The following SPAG9 variants were observed in gnomAD, a reference collection of about 807,000 sequenced individuals.
SPAG9 encodes the protein C-Jun-amino-terminal kinase-interacting protein 4.
In SPAG9, 35 loss-of-function variants were observed where a neutral mutation model predicts 166.5. The observed-to-expected ratio is 0.21, with a 90% CI of 0.16 to 0.28. The LOEUF is 0.28. Among genes scored for constraint, SPAG9 ranks in the 10% least tolerant of loss-of-function variants. The pLI is 1.00. For synonymous variants in SPAG9, 534 were observed against 565.5 expected, an observed-to-expected ratio of 0.94 and a Z score of 0.79; for missense variants, 1,235 against 1,603.3, an observed-to-expected ratio of 0.77 and a Z score of 3.92.
At chr17:51,070,884 T>C (rs1377808054) in intron 2 of SPAG9, among the ~76,000 whole-genome samples, 1 of 152,198 alleles carries the variant, frequency 6.6e-6, no homozygotes, top group Admixed American at 6.5e-5. Context: ...ATAGATGGCA[T>C]AGCTTCTGGA....
intron 1 of SPAG9, among the ~76,000 whole-genome samples, chr17:51,114,187 G>A (rs374481011): frequency 3.1e-4 from 47 of 151,948 alleles, no homozygotes; most frequent in African/African-American, 1.0e-3. Flanking sequence ...TTAGCCGGGC[G>A]TGCTGGCGCG....
At chr17:51,073,934 CT>C (rs986322409) in intron 2 of SPAG9, among the ~76,000 whole-genome samples, 2 of 151,796 alleles carry the variant, frequency 1.3e-5, no homozygotes, top group Admixed American at 1.3e-4. Flanking sequence ...AACCCCATCT[CT>C]ACTAAAAATA....
At chr17:51,004,576 A>C (rs1257328112) in intron 12 of SPAG9, among the ~76,000 whole-genome samples, 1 of 152,168 alleles carries the variant, frequency 6.6e-6, no homozygotes, top group African/African-American at 2.4e-5. Flanking sequence ...CACCTTTACT[A>C]AGAATACAAA....
At chr17:51,060,396 G>A (rs1051190104) in intron 2 of SPAG9, among the ~76,000 whole-genome samples, 6 of 151,580 alleles carry the variant, frequency 4.0e-5, no homozygotes, top group Non-Finnish European at 7.4e-5. Context: ...CCAGCTACTC[G>A]GGAGGCTGAG....
chr17:51,097,097 A>T (rs191039107), intron 1 of SPAG9, among the ~76,000 whole-genome samples: 2 of 152,370 alleles, frequency 1.3e-5, no homozygotes, highest in African/African-American at 4.8e-5. Flanking sequence ...CTACGTAGTG[A>T]CGCCTCCATA....
chr17:51,089,667 CAT>C (rs1185767757), intron 1 of SPAG9, among the ~76,000 whole-genome samples: 4 of 61,834 alleles, frequency 6.5e-5, no homozygotes, highest in Non-Finnish European at 1.1e-4. Context: ...TATATATACA[CAT>C]ACACACACAC....
chr17:51,020,953 C>T (rs984338957), intron 7 of SPAG9, among the ~76,000 whole-genome samples: 1 of 152,032 alleles, frequency 6.6e-6, no homozygotes, highest in East Asian at 1.9e-4. Context: ...AAAGTATGTA[C>T]ATGTTTAGTG....
intron 1 of SPAG9, among the ~76,000 whole-genome samples, chr17:51,091,111 A>G (rs190121649): frequency 8.1e-4 from 123 of 151,902 alleles, no homozygotes; most frequent in African/African-American, 2.9e-3. Flanking sequence ...TGTCTCCACG[A>G]AAAATATGAA....
At chr17:51,099,584 G>A (rs541963236) in intron 1 of SPAG9, among the ~76,000 whole-genome samples, 1 of 151,680 alleles carries the variant, frequency 6.6e-6, no homozygotes, top group African/African-American at 2.4e-5. Context: ...CCTGTGTTAT[G>A]ATGTTTGCTA....
At chr17:51,089,631 T>C (rs1313438151) in intron 1 of SPAG9, among the ~76,000 whole-genome samples, 1 of 69,518 alleles carries the variant, frequency 1.4e-5, no homozygotes, top group Admixed American at 1.3e-4. Context: ...TATATATATA[T>C]ATATATATAT....
At chr17:51,029,345 C>T (rs754974727) in intron 6 of SPAG9, among the ~76,000 whole-genome samples, 5 of 152,126 alleles carry the variant, frequency 3.3e-5, no homozygotes, top group Non-Finnish European at 7.4e-5. Flanking sequence ...ACATTAGACA[C>T]TTGTGCATTG....
intron 21 of SPAG9, among the ~76,000 whole-genome samples, chr17:50,987,851 T>C (rs1186202984): frequency 1.3e-5 from 2 of 152,240 alleles, no homozygotes; most frequent in Non-Finnish European, 2.9e-5. Flanking sequence ...ACCTTTCCTT[T>C]GAATTGTCAG....
At chr17:51,085,276 C>T (rs1254617568) in intron 1 of SPAG9, 2 of 152,238 alleles carry the variant, frequency 1.3e-5, no homozygotes, top group African/African-American at 4.8e-5. Flanking sequence ...TGCTTATTTA[C>T]AACTCCTTTC....
intron 2 of SPAG9, among the ~76,000 whole-genome samples, chr17:51,070,599 A>G (rs1173855364): frequency 6.6e-6 from 1 of 152,172 alleles, no homozygotes; most frequent in East Asian, 1.9e-4. Flanking sequence ...AATTTCTTAC[A>G]TTTATTTTAC....
In SPAG9 at chr17:50,970,865, T is replaced by C. The variant is rs772875718; in HGVS notation, c.3701-9A>G. On this transcript the variant is annotated splice_polypyrimidine_tract_variant and intron_variant, in intron 28 of 29. Transcript: ENST00000262013. ...TGGGCTGATGACTTGACCTGTTTTA[T>C]ACAGAAACAAAAGTGAATATTACTT... The C allele has an allele frequency of 3.4e-5, 55 of 1,611,956 alleles. No homozygotes were observed. The highest frequency in any genetic ancestry group is 4.5e-5 in the Non-Finnish European group (53 of 1,178,758).
At chr17:51,075,583 G>C (rs746007685) in intron 2 of SPAG9, among the ~76,000 whole-genome samples, 1 of 152,130 alleles carries the variant, frequency 6.6e-6, no homozygotes, top group Non-Finnish European at 1.5e-5. Flanking sequence ...CCAGCATTTG[G>C]GGGGCCAAGG....
Position 50,979,925 on chromosome 17 carries a change from A to G in SPAG9, c.3238-8T>C. The G allele has an allele frequency of 6.2e-7, 1 of 1,605,804 alleles. No individual in the cohort carries two copies. Among genetic ancestry groups the G allele is most frequent in the Non-Finnish European group, 8.5e-7 (1 of 1,172,898 alleles). On this transcript the variant is annotated splice_polypyrimidine_tract_variant and splice_region_variant and intron_variant, in intron 25 of 29. Transcript: ENST00000262013. ...ATGTGCATCAAAAGATTTCTAGGAG[A>G]GATTGTCCAATCACAAAGTTACTTT...
intron 1 of SPAG9, among the ~76,000 whole-genome samples, chr17:51,104,918 G>A (rs1257599184): frequency 3.1e-4 from 29 of 92,520 alleles, no homozygotes; most frequent in African/African-American, 1.1e-3. Context: ...GGGCGACAGA[G>A]CGAGACTCCG....
rs1305002043 is a variant in SPAG9 at position 50,995,127 on chromosome 17, A to G, written c.2156T>C (p.Leu719Ser). The change falls in exon 18 of 30, where the codon TTG (leucine) becomes TCG (serine). Residue 719 changes from leucine (L) to serine (S), a missense_variant. By Grantham distance (145) the Leu-to-Ser change is moderately radical. Coordinates refer to ENST00000262013, the MANE Select transcript of SPAG9 (RefSeq NM_001130528.3). ...TCGCTGTTTACTGCCTTCTGTATCCAAACCAGCAACATCCTTGTAAAATAC... is the reference window on the plus strand; with the variant it reads ...TCGCTGTTTACTGCCTTCTGTATCCGAACCAGCAACATCCTTGTAAAATAC... ...ASVFYKDVAGLDTEGSKQRSA... is the reference protein window; with the variant it reads ...ASVFYKDVAGSDTEGSKQRSA... 8 of 1,614,006 alleles carry G rather than the reference A, an allele frequency of 5.0e-6. No individual in the cohort carries two copies. Among genetic ancestry groups the G allele is most frequent in the Non-Finnish European group, 6.8e-6 (8 of 1,179,978 alleles).
Sources: gnomAD v4.1 joint callset for allele counts (sites outside exome capture counted in the v4.1 genomes callset) on GRCh38, gnomAD v4.1.1 for gene constraint, MANE v1.5 for transcripts, NCBI Gene and HGNC (gene_info 2026-07-23, HGNC 2026-07-21) for gene names.